The following FBXL5 variants were observed in gnomAD, a reference collection of about 807,000 sequenced individuals.
FBXL5 encodes F-box and leucine rich repeat protein 5.
Under a neutral mutation model 78.3 loss-of-function variants are expected in FBXL5, and 26 were observed. That is an observed-to-expected ratio of 0.33 (90% CI 0.24 to 0.46). The LOEUF (loss-of-function observed/expected upper bound fraction) is 0.46, where lower values mean the gene tolerates loss of function less well. Among genes scored for constraint, FBXL5 ranks in the 20% least tolerant of loss-of-function variants. FBXL5 has a pLI of 1.00. For synonymous variants in FBXL5, 295 were observed against 282.5 expected (o/e 1.04, Z -0.45); for missense variants, 710 against 829.2 (o/e 0.86, Z 1.77).
chr4:15,671,958 A>G (rs1717788810), intron 1 of FBXL5, among the ~76,000 whole-genome samples: 1 of 152,150 alleles, frequency 6.6e-6, no homozygotes, highest in Non-Finnish European at 1.5e-5. Context: ...GAATTCTAAC[A>G]TGTCACTTTT....
At chr4:15,674,946 G>C (rs73243128) in intron 1 of FBXL5, among the ~76,000 whole-genome samples, 14,060 of 152,122 alleles carry the variant, frequency 0.092, 795 homozygotes, top group Non-Finnish European at 0.13. Flanking sequence ...ACCGCACCCA[G>C]TCGGTTATGG....
upstream of FBXL5, among the ~76,000 whole-genome samples, chr4:15,655,685 G>C (rs2148740898): frequency 6.6e-6 from 1 of 152,364 alleles, no homozygotes; most frequent in Middle Eastern, 3.4e-3. Flanking sequence ...CGGCCTTGAG[G>C]AGAGGCAGCC....
intron 10 of FBXL5, among the ~76,000 whole-genome samples, chr4:15,611,775 A>C (rs1722285887): frequency 6.6e-6 from 1 of 152,064 alleles, no homozygotes; most frequent in Non-Finnish European, 1.5e-5. Context: ...CTCTCCCCTC[A>C]ATCTTTGCTA....
chr4:15,624,481 C>T (rs955535648), intron 9 of FBXL5, among the ~76,000 whole-genome samples: 1 of 151,962 alleles, frequency 6.6e-6, no homozygotes, highest in Non-Finnish European at 1.5e-5. Context: ...AGTGCATACT[C>T]GTAACCTAAC....
At chr4:15,659,808 G>T, upstream of FBXL5, 1 of 834,890 alleles carries the variant, frequency 1.2e-6, no homozygotes, top group Non-Finnish European at 1.4e-6. Context: ...ATTATGGGCT[G>T]ACTTGTAGGG....
At chr4:15,677,185 G>C (rs189587711) in intron 1 of FBXL5, among the ~76,000 whole-genome samples, 1 of 152,050 alleles carries the variant, frequency 6.6e-6, no homozygotes, top group Non-Finnish European at 1.5e-5. Flanking sequence ...AACACAAGAG[G>C]CTTAAAAGAT....
At chr4:15,647,383 G>C (rs1347975448) in intron 1 of FBXL5, among the ~76,000 whole-genome samples, 1 of 152,086 alleles carries the variant, frequency 6.6e-6, no homozygotes. Context: ...ATATGTGTAA[G>C]TTACATGCAA....
At chr4:15,641,075 G>A (rs553594277) in intron 2 of FBXL5, among the ~76,000 whole-genome samples, 192 bp from the exon 3 acceptor site, 53 of 152,074 alleles carry the variant, frequency 3.5e-4, no homozygotes, top group Non-Finnish European at 6.5e-4. Flanking sequence ...AGTAATGTAT[G>A]TAACCCCATA....
chr4:15,654,415 T>A (rs144227506), intron 1 of FBXL5, among the ~76,000 whole-genome samples: 2 of 152,246 alleles, frequency 1.3e-5, no homozygotes, highest in Non-Finnish European at 2.9e-5. Context: ...CAGCTTATGC[T>A]GCACCAATTA....
chr4:15,645,723 G>A (rs766296875), intron 1 of FBXL5, among the ~76,000 whole-genome samples: 14 of 152,046 alleles, frequency 9.2e-5, no homozygotes, highest in South Asian at 2.1e-4. Context: ...TACCACGCCC[G>A]GCCTACTTTT....
chr4:15,674,535 CT>C (rs34733356), intron 1 of FBXL5, among the ~76,000 whole-genome samples: 1 of 152,038 alleles, frequency 6.6e-6, no homozygotes, highest in Admixed American at 6.5e-5. Context: ...GTAATCATAA[CT>C]TTTTTCCTTA....
At chr4:15,674,935 C>G (rs1295052292) in intron 1 of FBXL5, among the ~76,000 whole-genome samples, 6 of 152,148 alleles carry the variant, frequency 3.9e-5, no homozygotes, top group Admixed American at 3.9e-4. Flanking sequence ...AGGCACGAGC[C>G]ACCGCACCCA....
At chr4:15,629,932 T>G (rs560475128) in intron 6 of FBXL5, among the ~76,000 whole-genome samples, 1 of 152,172 alleles carries the variant, frequency 6.6e-6, no homozygotes, top group South Asian at 2.1e-4. Context: ...CTGTTCATTT[T>G]TTACTATTTT....
At position 15,655,246 on chromosome 4, in the gene FBXL5, T is replaced by C; in HGVS notation, c.42A>G (p.Pro14=). 1.4e-6 allele frequency: 2 copies of C among 1,443,130 alleles called. No homozygotes were observed. Among genetic ancestry groups the C allele is most frequent in the Non-Finnish European group, 1.9e-6 (2 of 1,079,026 alleles). 89.4% of individuals were successfully genotyped at this position (1,443,130 alleles called of 1,614,324 possible). The change falls in exon 1 of 11, where the codon CCA becomes CCG. Residue 14 remains proline (P), a synonymous_variant. Transcript: ENST00000341285. ...FPEEVDVFTA[P]HWRMKQLVGL... is the part of the protein sequence containing the mutation. ...CCACCAGCTGCTTCATCCGCCAGTG[T>C]GGGGCGGTGAAGACGTCCACTTCTT...
intron 1 of FBXL5, among the ~76,000 whole-genome samples, chr4:15,675,484 C>G (rs1262562197): frequency 6.6e-6 from 1 of 151,776 alleles, no homozygotes; most frequent in African/African-American, 2.4e-5. Context: ...AAATTCAAGT[C>G]TTAGCTACCA....
At chr4:15,665,068 C>G (rs1002374504) in intron 1 of FBXL5, among the ~76,000 whole-genome samples, 3 of 152,106 alleles carry the variant, frequency 2.0e-5, no homozygotes, top group Admixed American at 2.0e-4. Context: ...TAAATTCACT[C>G]CCACTACAGC....
chr4:15,638,760 T>A, intron 3 of FBXL5, 66 bp from the exon 4 acceptor site: 2 of 998,744 alleles, frequency 2.0e-6, no homozygotes, highest in South Asian at 1.6e-5. Flanking sequence ...TAAACCCTTT[T>A]AAATTATTAA....
intron 10 of FBXL5, 110 bp downstream of exon 10, chr4:15,612,156 A>G: frequency 2.5e-6 from 2 of 813,660 alleles, no homozygotes; most frequent in Non-Finnish European, 3.6e-6. Flanking sequence ...TGAAAGTAAG[A>G]TAGTCTGGGA....
chr4:15,661,182 A>C (rs1717293502), upstream of FBXL5, among the ~76,000 whole-genome samples: 1 of 152,222 alleles, frequency 6.6e-6, no homozygotes, highest in African/African-American at 2.4e-5. Flanking sequence ...GTCTCTACCA[A>C]GGTGATTCTT....
Sources: gnomAD v4.1 joint callset for allele counts (sites outside exome capture counted in the v4.1 genomes callset) on GRCh38, gnomAD v4.1.1 for gene constraint, MANE v1.5 for transcripts, NCBI Gene and HGNC (gene_info 2026-07-23, HGNC 2026-07-21) for gene names.